GALNT11: variants seen among roughly 807,000 people sequenced by gnomAD.
GALNT11 encodes polypeptide N-acetylgalactosaminyltransferase 11.
A neutral mutation model predicts 72.7 loss-of-function variants in GALNT11; 47 were observed. That is an observed-to-expected ratio of 0.65 (90% CI 0.51 to 0.82). GALNT11 has a LOEUF of 0.82. Ranked by LOEUF, GALNT11 falls within the 40% of genes least tolerant of loss-of-function variation. The pLI is 0.00. For synonymous variants in GALNT11, 270 were observed against 286.6 expected, an observed-to-expected ratio of 0.94 and a Z score of 0.58; for missense variants, 677 against 778.4, an observed-to-expected ratio of 0.87 and a Z score of 1.55.
Position 152,116,572 on chromosome 7 carries a change from A to T in GALNT11, c.1234-585A>T, listed in dbSNP as rs192412070. Among the ~76,000 whole-genome samples, 190 of 152,332 alleles carry T rather than the reference A, an allele frequency of 1.2e-3. 6 individuals are homozygous for T. The highest frequency in any genetic ancestry group is 0.011 in the Admixed American group (167 of 15,302). ...AGTACATTTTAATGCAACAGTGTAAAAATCTTAATATGATTTCATATTCCA... is the reference window on the plus strand; with the variant it reads ...AGTACATTTTAATGCAACAGTGTAATAATCTTAATATGATTTCATATTCCA... On this transcript the variant is annotated intron_variant, in intron 8 of 11. Transcript: ENST00000430044.
At chr7:152,050,145 C>G (rs1261000633) in intron 1 of GALNT11, among the ~76,000 whole-genome samples, 2 of 152,068 alleles carry the variant, frequency 1.3e-5, no homozygotes, top group Admixed American at 1.3e-4. Context: ...ACAAAGTCCC[C>G]TTTGCTCTTC....
chr7:152,079,610 G>A (rs2085198303), intron 1 of GALNT11, among the ~76,000 whole-genome samples: 1 of 152,168 alleles, frequency 6.6e-6, no homozygotes, highest in African/African-American at 2.4e-5. Flanking sequence ...TCATTCCCAG[G>A]GAGCATATGA....
intron 9 of GALNT11, 33 bp from the exon 10 acceptor site, chr7:152,118,645 T>G: frequency 1.9e-6 from 3 of 1,591,304 alleles, no homozygotes; most frequent in Non-Finnish European, 2.6e-6. Context: ...CTGGGATTGT[T>G]TCCCACATTC....
chr7:152,060,615 TCCCTCCCCC>T (rs1173477145), intron 1 of GALNT11, among the ~76,000 whole-genome samples: 1 of 151,778 alleles, frequency 6.6e-6, no homozygotes, highest in South Asian at 2.1e-4. Context: ...CCTAATGCTA[TCCCTCCCCC>T]CCCTCCACCC....
intron 1 of GALNT11, among the ~76,000 whole-genome samples, chr7:152,078,689 GT>G (rs756396737): frequency 4.7e-4 from 72 of 152,136 alleles, no homozygotes; most frequent in Non-Finnish European, 4.7e-4. Context: ...TTTAGCAGTG[GT>G]TTTCAGAATT....
At chr7:152,108,875 A>G (rs1403036214) in intron 6 of GALNT11, among the ~76,000 whole-genome samples, 1 of 152,230 alleles carries the variant, frequency 6.6e-6, no homozygotes, top group African/African-American at 2.4e-5. Context: ...TTTTTAAAGA[A>G]TACATTTGTT....
chr7:152,080,876 A>G (rs1196302443), intron 1 of GALNT11, among the ~76,000 whole-genome samples: 1 of 152,032 alleles, frequency 6.6e-6, no homozygotes, highest in East Asian at 1.9e-4. Flanking sequence ...AGGCTGAGGC[A>G]GGAGAATCGC....
chr7:152,045,257 T>G (rs1475783780), intron 1 of GALNT11, among the ~76,000 whole-genome samples: 2 of 152,194 alleles, frequency 1.3e-5, no homozygotes, highest in African/African-American at 4.8e-5. Context: ...ATTTTTTTGA[T>G]GTGTCTTTGT....
intron 11 of GALNT11, 141 bp from the exon 12 acceptor site, chr7:152,121,402 TAAC>T (rs2089423894): frequency 2.3e-6 from 2 of 886,520 alleles, no homozygotes; most frequent in South Asian, 1.8e-5. Flanking sequence ...GTGCTGCAGA[TAAC>T]AAACAGCAGA....
intron 1 of GALNT11, among the ~76,000 whole-genome samples, chr7:152,083,909 C>A (rs765683203): frequency 6.6e-6 from 1 of 151,942 alleles, no homozygotes; most frequent in Non-Finnish European, 1.5e-5. Context: ...ATGTTTTAGA[C>A]GTTTATTGTT....
At chr7:152,056,112 A>AT (rs1273909967) in intron 1 of GALNT11, among the ~76,000 whole-genome samples, 2 of 152,134 alleles carry the variant, frequency 1.3e-5, no homozygotes, top group Admixed American at 6.6e-5. Flanking sequence ...TTAGGATTAG[A>AT]TTTTTTCAGT....
chr7:152,062,284 A>G (rs2084063388), intron 1 of GALNT11, among the ~76,000 whole-genome samples: 1 of 152,068 alleles, frequency 6.6e-6, no homozygotes, highest in Non-Finnish European at 1.5e-5. Flanking sequence ...ACTGGTGTAT[A>G]AGGATCCTTG....
intron 1 of GALNT11, among the ~76,000 whole-genome samples, chr7:152,034,612 C>A (rs1340314936): frequency 6.6e-6 from 1 of 152,090 alleles, no homozygotes; most frequent in South Asian, 2.1e-4. Flanking sequence ...GTTTGTTTCT[C>A]CCCCTGCCCA....
chr7:152,120,094 C>G (rs1321168295), intron 10 of GALNT11: 1 of 152,200 alleles, frequency 6.6e-6, no homozygotes, highest in Non-Finnish European at 1.5e-5. Context: ...CATAGTTGTG[C>G]TAATTCTGTA....
At chr7:152,064,303 G>A (rs1430474843) in intron 1 of GALNT11, among the ~76,000 whole-genome samples, 1 of 151,966 alleles carries the variant, frequency 6.6e-6, no homozygotes, top group East Asian at 1.9e-4. Flanking sequence ...TTTTCCATTT[G>A]CTTGGTAGAT....
At chr7:152,081,384 C>A (rs1170642895) in intron 1 of GALNT11, among the ~76,000 whole-genome samples, 2 of 152,222 alleles carry the variant, frequency 1.3e-5, no homozygotes, top group African/African-American at 2.4e-5. Context: ...AAACACCCCT[C>A]AGGCTAATCT....
chr7:152,086,924 T>G (rs2129029266), intron 1 of GALNT11, among the ~76,000 whole-genome samples: 1 of 152,350 alleles, frequency 6.6e-6, no homozygotes, highest in South Asian at 2.1e-4. Flanking sequence ...AATAAGATGG[T>G]CATGACCTCT....
intron 1 of GALNT11, among the ~76,000 whole-genome samples, chr7:152,038,695 C>T (rs746427697): frequency 9.9e-5 from 15 of 152,262 alleles, no homozygotes; most frequent in Non-Finnish European, 1.5e-4. Context: ...AGTCAGGATC[C>T]ACATCTGCAG....
Position 152,118,457 on chromosome 7 carries a change from T to C in GALNT11, c.1453-221T>C, listed in dbSNP as rs145995880. The C allele has an allele frequency of 1.4e-3, 649 of 474,196 alleles. 4 individuals are homozygous for C. The highest frequency in any genetic ancestry group is 0.011 in the African/African-American group (536 of 49,108). The allele number at this position is 474,196 out of a possible 1,614,324, so 29.4% of individuals were successfully genotyped here. On this transcript the variant is annotated intron_variant, in intron 9 of 11. Transcript: ENST00000430044. ...GAATTCCTAGCTGACACTGTCTGCA[T>C]GTTAAAACTGCTAATAACTTTTGGA...
Sources: gnomAD v4.1 joint callset for allele counts (sites outside exome capture counted in the v4.1 genomes callset) on GRCh38, gnomAD v4.1.1 for gene constraint, MANE v1.5 for transcripts, NCBI Gene and HGNC (gene_info 2026-07-23, HGNC 2026-07-21) for gene names.